The following SMCO2 variants were observed in gnomAD, a reference collection of about 807,000 sequenced individuals.
SMCO2 encodes single-pass membrane protein with coiled-coil domains 2.
Under a neutral mutation model 29.5 loss-of-function variants are expected in SMCO2, and 25 were observed. That is an observed-to-expected ratio of 0.85 (90% CI 0.62 to 1.18). The LOEUF (loss-of-function observed/expected upper bound fraction) is 1.18. Ranked by LOEUF, SMCO2 falls within the 50% of genes most tolerant of loss-of-function variation. The pLI, the probability that SMCO2 is intolerant of heterozygous loss-of-function variation, is 0.00. For synonymous variants in SMCO2, 117 were observed against 123.3 expected, an observed-to-expected ratio of 0.95 and a Z score of 0.34; for missense variants, 348 against 344.5, an observed-to-expected ratio of 1.01 and a Z score of -0.08.
At chr12:27,479,664 G>C (rs1592209590) in intron 4 of SMCO2, among the ~76,000 whole-genome samples, 1 of 152,164 alleles carries the variant, frequency 6.6e-6, no homozygotes, top group Non-Finnish European at 1.5e-5. Context: ...AATCATGGGA[G>C]CGGGTATTTC....
rs1313911186 is a variant in SMCO2 at position 27,501,895 on chromosome 12, T to C, written c.684-28T>C. 3 of 1,463,640 alleles carry C rather than the reference T, an allele frequency of 2.0e-6. No individual in the cohort carries two copies. The East Asian group carries it at 7.7e-5, about 37-fold the overall frequency. 90.7% of individuals were successfully genotyped at this position (1,463,640 alleles called of 1,614,324 possible). On this transcript the variant is annotated intron_variant, in intron 7 of 7. Transcript: ENST00000298876. ...CAATGTGATTATTTTCAGAATTTGG[T>C]TAACACAGATGTTTTCTCTCTTTGT...
chr12:27,494,529 T>C (rs1942974842), intron 6 of SMCO2, among the ~76,000 whole-genome samples, 173 bp downstream of exon 7: 1 of 108,244 alleles, frequency 9.2e-6, no homozygotes, highest in Non-Finnish European at 2.0e-5. Flanking sequence ...TATTATACTT[T>C]AAGTTCTGGG....
the SMCO2 span, among the ~76,000 whole-genome samples, chr12:27,461,648 C>T: frequency 2.0e-5 from 3 of 152,216 alleles, no homozygotes; most frequent in Admixed American, 1.3e-4. Flanking sequence ...CCACCATTGC[C>T]TTCTCTTCTG....
upstream of SMCO2, among the ~76,000 whole-genome samples, chr12:27,462,652 G>A (rs1194957363): frequency 6.6e-6 from 1 of 152,176 alleles, no homozygotes; most frequent in Admixed American, 6.5e-5. Flanking sequence ...ATTCAGTAGT[G>A]TGCAGATATC....
chr12:27,431,640 A>C, the SMCO2 span, among the ~76,000 whole-genome samples: 1 of 152,124 alleles, frequency 6.6e-6, no homozygotes, highest in South Asian at 2.1e-4. Context: ...AAAAAAATCC[A>C]TCCGTCCATT....
At chr12:27,495,995 T>A in intron 7 of SMCO2, 140 bp downstream of exon 8, 1 of 787,306 alleles carries the variant, frequency 1.3e-6, no homozygotes, top group Non-Finnish European at 1.8e-6. Context: ...TCTTTAAAAG[T>A]CATTGGAGTT....
chr12:27,456,826 A>T, the SMCO2 span, among the ~76,000 whole-genome samples: 1 of 152,118 alleles, frequency 6.6e-6, no homozygotes, highest in Non-Finnish European at 1.5e-5. Flanking sequence ...CTGGTAACCT[A>T]TTAGGACCTG....
At chr12:27,470,569 T>C in intron 1 of SMCO2, 53 bp from the exon 2 acceptor site, 1 of 1,529,300 alleles carries the variant, frequency 6.5e-7, no homozygotes, top group Non-Finnish European at 8.8e-7. Context: ...GAAGAGGATG[T>C]GGTTGCCATT....
At chr12:27,423,648 C>A in the SMCO2 span, 2 of 152,100 alleles carry the variant, frequency 1.3e-5, no homozygotes, top group Non-Finnish European at 2.9e-5. Flanking sequence ...CTTTTTTTAA[C>A]CCTAAGAATT....
At chr12:27,481,115 G>A (rs1343402210) in intron 4 of SMCO2, among the ~76,000 whole-genome samples, 1 of 152,214 alleles carries the variant, frequency 6.6e-6, no homozygotes, top group Non-Finnish European at 1.5e-5. Context: ...GTAGAGGGAT[G>A]TCGGCAGGGC....
At chr12:27,473,330 G>T (rs1156537409) in intron 3 of SMCO2, among the ~76,000 whole-genome samples, 1 of 152,116 alleles carries the variant, frequency 6.6e-6, no homozygotes, top group South Asian at 2.1e-4. Flanking sequence ...TCAGTGGCTT[G>T]TAGCTACATA....
chr12:27,477,220 T>C (rs993815331), intron 4 of SMCO2, among the ~76,000 whole-genome samples: 1 of 122,464 alleles, frequency 8.2e-6, no homozygotes, highest in East Asian at 3.3e-4. Context: ...GTTTTTTTTT[T>C]TTTTTTTTTT....
chr12:27,474,839 G>A (rs751272995), exon 4 of SMCO2: 1 of 1,551,650 alleles, frequency 6.4e-7, no homozygotes, highest in South Asian at 1.2e-5. Context: ...AACAGGATAA[G>A]CAAGAAACAG....
chr12:27,457,639 C>T, the SMCO2 span, among the ~76,000 whole-genome samples: 24 of 152,306 alleles, frequency 1.6e-4, 1 homozygote, highest in South Asian at 4.8e-3. Context: ...TTTCAGGCAA[C>T]GTGTGGGCTC....
chr12:27,477,342 A>T (rs999348387), intron 4 of SMCO2, among the ~76,000 whole-genome samples: 14 of 149,770 alleles, frequency 9.3e-5, no homozygotes, highest in Non-Finnish European at 1.9e-4. Context: ...GTGACTTGAC[A>T]CTTTTCTTTT....
the SMCO2 span, among the ~76,000 whole-genome samples, chr12:27,454,334 G>A: frequency 6.6e-6 from 1 of 152,098 alleles, no homozygotes; most frequent in African/African-American, 2.4e-5. Flanking sequence ...TACATAATGA[G>A]TATTGTTTTG....
chr12:27,438,099 C>T, the SMCO2 span, among the ~76,000 whole-genome samples: 1 of 152,158 alleles, frequency 6.6e-6, no homozygotes, highest in Non-Finnish European at 1.5e-5. Flanking sequence ...TTCAAGGTCA[C>T]CACTGACCTC....
chr12:27,448,782 A>G, the SMCO2 span, among the ~76,000 whole-genome samples: 2 of 152,218 alleles, frequency 1.3e-5, no homozygotes, highest in African/African-American at 2.4e-5. Flanking sequence ...GGTCTTATTG[A>G]TAATTCACTC....
intron 4 of SMCO2, among the ~76,000 whole-genome samples, chr12:27,485,131 T>C (rs2616341): frequency 0.12 from 18,587 of 150,642 alleles, 2,194 homozygotes; most frequent in African/African-American, 0.29. Context: ...TGTTCTGGGC[T>C]TTTTTTTTCT....
Sources: allele counts gnomAD v4.1 joint callset (sites outside exome capture counted in the v4.1 genomes callset), GRCh38; gene constraint gnomAD v4.1.1; transcripts MANE v1.5; gene names NCBI Gene and HGNC (gene_info 2026-07-23, HGNC 2026-07-21).